TMEM62: variants seen among roughly 807,000 people sequenced by gnomAD.
TMEM62 encodes the protein transmembrane protein 62.
TMEM62 carries 41 observed loss-of-function variants against 70.4 expected under a neutral mutation model. That is an observed-to-expected ratio of 0.58 (90% CI 0.45 to 0.76). The LOEUF (loss-of-function observed/expected upper bound fraction) is 0.76, where lower values mean the gene tolerates loss of function less well. Among genes scored for constraint, TMEM62 ranks in the 30% least tolerant of loss-of-function variants. The pLI, the probability that TMEM62 is intolerant of heterozygous loss-of-function variation, is 0.00. For synonymous variants in TMEM62, 268 were observed against 291.0 expected (o/e 0.92, Z 0.80); for missense variants, 688 against 788.5 (o/e 0.87, Z 1.53).
rs1048293036 is a variant in TMEM62, at chr15:43,167,996, C to G, written c.1297-1597C>G. Among the ~76,000 whole-genome samples, 8 of 152,064 alleles carry G rather than the reference C, an allele frequency of 5.3e-5. No individual in the cohort carries two copies. The East Asian group carries it at 9.7e-4, about 18-fold the overall frequency. ...AAAACCAGTCAGGCGTGGCGGCGCACGCCTGCAATCGCAGGCACTCGGCAG... is the reference window on the plus strand; with the variant it reads ...AAAACCAGTCAGGCGTGGCGGCGCAGGCCTGCAATCGCAGGCACTCGGCAG... On this transcript the variant is annotated intron_variant, in intron 10 of 13. Coordinates refer to ENST00000260403, the MANE Select transcript of TMEM62 (RefSeq NM_024956.4).
At chr15:43,143,142 A>G (rs1205329718) in intron 4 of TMEM62, among the ~76,000 whole-genome samples, 1 of 151,178 alleles carries the variant, frequency 6.6e-6, no homozygotes, top group African/African-American at 2.4e-5. Flanking sequence ...GCTCACTGCA[A>G]CCTCCACCTC....
intron 9 of TMEM62, among the ~76,000 whole-genome samples, chr15:43,156,347 A>G (rs12442199): frequency 6.6e-6 from 1 of 152,206 alleles, no homozygotes; most frequent in Non-Finnish European, 1.5e-5. Flanking sequence ...GTACATCTGC[A>G]CAAAAGAAGA....
chr15:43,138,519 T>C, intron 3 of TMEM62, 55 bp from the exon 4 acceptor site: 1 of 1,346,398 alleles, frequency 7.4e-7, no homozygotes, highest in Non-Finnish European at 1.0e-6. Context: ...AGAAAATGTT[T>C]GTATTCTTTT....
chr15:43,183,069 C>T (rs1032159991), intron 13 of TMEM62, among the ~76,000 whole-genome samples: 3 of 152,042 alleles, frequency 2.0e-5, no homozygotes, highest in Non-Finnish European at 4.4e-5. Context: ...AAACCTGTTC[C>T]TCTCTGTTTT....
upstream of TMEM62, chr15:43,133,526 T>G: frequency 3.2e-6 from 1 of 313,818 alleles, no homozygotes; most frequent in East Asian, 5.0e-5. Flanking sequence ...CCGTCATTGG[T>G]GTTCAGAGTT....
chr15:43,173,878 T>TA (rs1419189180), intron 11 of TMEM62, among the ~76,000 whole-genome samples: 6 of 126,522 alleles, frequency 4.7e-5, no homozygotes, highest in Admixed American at 9.0e-5. Flanking sequence ...TTTTTTTTTT[T>TA]AGACAGTCTC....
chr15:43,153,686 G>GTA (rs201546674), intron 8 of TMEM62, among the ~76,000 whole-genome samples: 16 of 143,604 alleles, frequency 1.1e-4, no homozygotes, highest in African/African-American at 2.5e-4. Context: ...GTGTGTGTGT[G>GTA]TATATACACA....
Position 43,160,697 on chromosome 15 carries a change from G to C in TMEM62, c.1199G>C (p.Ser400Thr). 1 of 1,606,222 alleles carries C rather than the reference G, an allele frequency of 6.2e-7. No individual in the cohort carries two copies. The highest frequency in any genetic ancestry group is 8.5e-7 in the Non-Finnish European group (1 of 1,174,874). ...TATTACTAGGATTCTGCTGGAAGAA[G>C]TAAGAGTGTTCACCACATATTTTCT... Reference protein sequence around the residue: ...EVIVQDSAGRSKSVHHIFSVQ... With the variant: ...EVIVQDSAGRTKSVHHIFSVQ... The change falls in exon 10 of 14, where the codon AGT becomes ACT. Residue 400 changes from serine to threonine, a missense_variant. Ser to Thr is a moderately conservative substitution (Grantham distance 58, BLOSUM62 1). Transcript: ENST00000260403.
chr15:43,142,929 C>G (rs1195748419), intron 4 of TMEM62, among the ~76,000 whole-genome samples: 3 of 152,062 alleles, frequency 2.0e-5, no homozygotes, highest in Non-Finnish European at 4.4e-5. Context: ...CTCGGCCTCC[C>G]AAAGTGCTAG....
At chr15:43,139,638 T>C (rs1199119420) in intron 4 of TMEM62, among the ~76,000 whole-genome samples, 1 of 152,226 alleles carries the variant, frequency 6.6e-6, no homozygotes, top group Admixed American at 6.5e-5. Flanking sequence ...CTACTGCTGA[T>C]GTGGAGAACG....
intron 9 of TMEM62, among the ~76,000 whole-genome samples, chr15:43,158,721 T>A (rs1433137363): frequency 6.6e-6 from 1 of 152,224 alleles, no homozygotes; most frequent in East Asian, 1.9e-4. Flanking sequence ...GGTACCCAGA[T>A]ATAAAGTTCA....
intron 9 of TMEM62, among the ~76,000 whole-genome samples, chr15:43,160,101 T>C (rs139380290): frequency 0.011 from 1,681 of 152,062 alleles, 39 homozygotes; most frequent in African/African-American, 0.039. Context: ...CCTGAGTAGC[T>C]AGGATTACAG....
rs1050137230 is a variant in TMEM62, at chr15:43,146,318, G to T, written c.477-175G>T. On this transcript the variant is annotated intron_variant, in intron 4 of 13. Transcript: ENST00000260403. ...GTTTGCATGAGTCTTTGGGGACAAT[G>T]GGAGAAAAACTTTGAAATTTCATCA... is the stretch of plus-strand genomic sequence containing the variant. 5.1e-5 allele frequency: 29 copies of T among 567,356 alleles called. No homozygotes were observed. In the African/African-American group the frequency reaches 5.4e-4, roughly 11 times the overall value. 35.1% of individuals were successfully genotyped at this position (567,356 alleles called of 1,614,324 possible). A position where few individuals can be genotyped will look rare whatever the true frequency, so the allele number is the denominator to read the frequency against.
intron 5 of TMEM62, 123 bp downstream of exon 5, chr15:43,146,757 T>G: frequency 2.2e-6 from 2 of 915,888 alleles, no homozygotes; most frequent in Non-Finnish European, 3.2e-6. Flanking sequence ...AAATTTAACT[T>G]GGTTACAGGT....
chr15:43,139,350 G>C (rs2035689062), intron 4 of TMEM62, among the ~76,000 whole-genome samples: 1 of 152,020 alleles, frequency 6.6e-6, no homozygotes, highest in African/African-American at 2.4e-5. Context: ...CCCATTCCCT[G>C]AGACACAACA....
chr15:43,168,701 T>G (rs543662717), intron 10 of TMEM62, among the ~76,000 whole-genome samples: 100 of 152,260 alleles, frequency 6.6e-4, no homozygotes, highest in African/African-American at 2.3e-3. Flanking sequence ...ACACAAGTAC[T>G]CCCCTGGCCA....
intron 4 of TMEM62, among the ~76,000 whole-genome samples, chr15:43,140,771 A>G (rs2035890363): frequency 1.3e-5 from 2 of 152,210 alleles, no homozygotes; most frequent in African/African-American, 2.4e-5. Flanking sequence ...AGGGCTGCTC[A>G]TGGCAATAGA....
At chr15:43,167,121 G>A (rs1375911581) in intron 10 of TMEM62, among the ~76,000 whole-genome samples, 1 of 151,418 alleles carries the variant, frequency 6.6e-6, no homozygotes, top group Non-Finnish European at 1.5e-5. Flanking sequence ...GCTGGGCAGA[G>A]GCGCCCCTCA....
At chr15:43,175,798 G>A (rs1158997165) in intron 11 of TMEM62, among the ~76,000 whole-genome samples, 1 of 152,192 alleles carries the variant, frequency 6.6e-6, no homozygotes, top group Admixed American at 6.5e-5. Context: ...GAGGTACCAG[G>A]TTCATCTCAC....
Sources: allele counts gnomAD v4.1 joint callset (sites outside exome capture counted in the v4.1 genomes callset), GRCh38; gene constraint gnomAD v4.1.1; transcripts MANE v1.5; gene names NCBI Gene and HGNC (gene_info 2026-07-23, HGNC 2026-07-21).